Variants in HEATR4 observed in about 807,000 individuals in gnomAD.
HEATR4 encodes HEAT repeat containing 4, also known as HEAT repeat-containing protein 4.
A neutral mutation model predicts 108.8 loss-of-function variants in HEATR4; 95 were observed. The ratio of observed to expected loss-of-function variants is 0.87; its 90% confidence interval spans 0.74 to 1.04. The LOEUF (loss-of-function observed/expected upper bound fraction) is 1.04, where lower values mean the gene tolerates loss of function less well. Among genes scored for constraint, HEATR4 ranks in the 50% least tolerant of loss-of-function variants. The probability of loss-of-function intolerance (pLI) is 0.00; values close to 1 mark genes in which losing one functional copy is unlikely to be tolerated. For missense variants in HEATR4, 1,152 were observed against 1,253.8 expected (o/e 0.92, Z 1.23); for synonymous variants, 443 against 459.4 (o/e 0.96, Z 0.46).
At position 73,495,305 on chromosome 14, in the gene HEATR4, G is replaced by C. The variant is rs1260495999; in HGVS notation, c.2708C>G (p.Ala903Gly). ...TTTGGGTTTCAAGTAAACACGTTTTGCTTCCTCCCTCACTTTTCCCATGAC... is the reference window on the plus strand; with the variant it reads ...TTTGGGTTTCAAGTAAACACGTTTTCCTTCCTCCCTCACTTTTCCCATGAC... Reference protein sequence around the residue: ...EMVMGKVREEAKRVYLKPKGE... With the variant: ...EMVMGKVREEGKRVYLKPKGE... Residue 903 changes from alanine (A) to glycine (G), a missense_variant, in exon 16 of 18, where the codon GCA (alanine) becomes GGA (glycine). Transcript: ENST00000553558. The C allele has an allele frequency of 1.2e-6, 2 of 1,613,676 alleles. No individual in the cohort carries two copies. The highest frequency in any genetic ancestry group is 1.7e-6 in the Non-Finnish European group (2 of 1,179,794).
intron 1 of HEATR4, among the ~76,000 whole-genome samples, chr14:73,547,932 G>C (rs1424499839): frequency 8.8e-6 from 1 of 114,064 alleles, no homozygotes; most frequent in Non-Finnish European, 1.9e-5. Flanking sequence ...GTTGTGGCGG[G>C]TTGTTTTTGT....
the HEATR4 span, among the ~76,000 whole-genome samples, chr14:73,587,770 C>T: frequency 6.6e-6 from 1 of 152,212 alleles, no homozygotes. Flanking sequence ...TTCCACGGGA[C>T]CTCCCATTCC....
rs1390387305 is a variant in HEATR4, at chr14:73,506,497, A to T, written c.1956T>A (p.Ala652=). 23 of 1,613,706 alleles carry T rather than the reference A, an allele frequency of 1.4e-5. No individual in the cohort carries two copies. The highest frequency in any genetic ancestry group is 1.9e-5 in the Non-Finnish European group (23 of 1,179,986). ...QWKNRIVACQ[A]FSRISGNVCL... is the part of the protein sequence containing the mutation. The stretch of plus-strand genomic sequence containing the variant: ...AGACATTTCCACTGATCCGGGAGAA[A>T]GCCTGGCAGGCCACAATCCGGTTCT... The change falls in exon 10 of 18, where the codon GCT becomes GCA. Residue 652 remains alanine (A), a synonymous_variant. Transcript: ENST00000553558.
chr14:73,537,387 G>A, intron 1 of HEATR4: 2 of 1,232,758 alleles, frequency 1.6e-6, no homozygotes, highest in Non-Finnish European at 2.2e-6. Flanking sequence ...CCACAGCTGA[G>A]GCAGTTTGGC....
chr14:73,585,095 CCAGCTCCCTTCCATCCCCCAT>C, the HEATR4 span, among the ~76,000 whole-genome samples: 1 of 152,066 alleles, frequency 6.6e-6, no homozygotes, highest in African/African-American at 2.4e-5. Flanking sequence ...AGCTCCCCCA[CCAGCTCCCTTCCATCCCCCAT>C]GGGCCTTATC....
intron 2 of HEATR4, among the ~76,000 whole-genome samples, chr14:73,528,534 G>T (rs1221573679): frequency 6.6e-6 from 1 of 152,124 alleles, no homozygotes; most frequent in South Asian, 2.1e-4. Flanking sequence ...ATCAAAAGAG[G>T]CTTGTTCTGG....
At chr14:73,524,012 C>T (rs1431529659) in intron 2 of HEATR4, among the ~76,000 whole-genome samples, 4 of 151,880 alleles carry the variant, frequency 2.6e-5, no homozygotes, top group Admixed American at 6.6e-5. Context: ...AGCTGTAGGC[C>T]GGGCGCAGTG....
At chr14:73,579,340 G>C in the HEATR4 span, among the ~76,000 whole-genome samples, 3 of 149,066 alleles carry the variant, frequency 2.0e-5, no homozygotes, top group Non-Finnish European at 3.0e-5. Context: ...TCTTTGAGAG[G>C]CCAAGGCGAG....
the HEATR4 span, chr14:73,573,501 T>C: frequency 1.2e-6 from 2 of 1,613,640 alleles, no homozygotes; most frequent in African/African-American, 1.3e-5. Flanking sequence ...TCTGGCTTAT[T>C]ATAACTATGA....
chr14:73,483,762 G>A (rs1200621817), intron 17 of HEATR4, among the ~76,000 whole-genome samples: 1 of 152,016 alleles, frequency 6.6e-6, no homozygotes, highest in Non-Finnish European at 1.5e-5. Flanking sequence ...TTTAAATTCA[G>A]TTTTGAACTT....
the HEATR4 span, among the ~76,000 whole-genome samples, chr14:73,590,555 A>G: frequency 6.6e-6 from 1 of 152,200 alleles, no homozygotes; most frequent in Non-Finnish European, 1.5e-5. Context: ...GGAGGCTCGG[A>G]CCGCGCAGAA....
chr14:73,486,710 G>A (rs1885466861), intron 17 of HEATR4, among the ~76,000 whole-genome samples: 1 of 148,878 alleles, frequency 6.7e-6, no homozygotes. Flanking sequence ...AAAAAAAAAA[G>A]AAAGGAACTT....
chr14:73,569,989 G>C, the HEATR4 span: 1 of 1,437,364 alleles, frequency 7.0e-7, no homozygotes, highest in Non-Finnish European at 9.2e-7. Context: ...CCGCGCCCCC[G>C]GGCTATATTG....
rs1360620946 is a variant in HEATR4 at position 73,519,129 on chromosome 14, C to T, written c.1104G>A (p.Lys368=). The T allele has an allele frequency of 1.2e-6, 2 of 1,613,774 alleles. No individual in the cohort carries two copies. The highest frequency in any genetic ancestry group is 2.2e-5 in the East Asian group (1 of 44,852). Residue 368 remains lysine (K), a synonymous_variant, in exon 5 of 18, where the codon AAG becomes AAA. Transcript: ENST00000553558. ...GGTTTTCCAGGACAATCTGGTCTCT[C>T]TTTGCACCAATCTGGTGGATGATCT... is the stretch of plus-strand genomic sequence containing the variant. ...EVQIIHQIGA[K]RDQIVLENLN... is the part of the protein sequence containing the mutation.
At chr14:73,509,810 CCATATATATATATATATATATATA>C (rs1375361908) in intron 7 of HEATR4, among the ~76,000 whole-genome samples, 1,659 of 63,190 alleles carry the variant, frequency 0.026, 221 homozygotes, top group Middle Eastern at 0.067. Context: ...CCCCATGAGC[CCATATATATATATATATATATATA>C]TATATATATA....
chr14:73,530,638 A>G (rs1888651657), intron 1 of HEATR4: 2 of 119,552 alleles, frequency 1.7e-5, no homozygotes. Flanking sequence ...TAATGCCTTG[A>G]TTTGTTTTTT....
chr14:73,593,014 C>T, the HEATR4 span, among the ~76,000 whole-genome samples: 5 of 152,226 alleles, frequency 3.3e-5, no homozygotes, highest in South Asian at 8.3e-4. Context: ...ATCCACTTTG[C>T]TATTAATCAC....
At chr14:73,598,682 C>T in the HEATR4 span, among the ~76,000 whole-genome samples, 29 of 152,028 alleles carry the variant, frequency 1.9e-4, no homozygotes, top group Non-Finnish European at 3.8e-4. Context: ...GCCTGATCAA[C>T]ATGGTGAAAC....
the HEATR4 span, among the ~76,000 whole-genome samples, chr14:73,622,263 A>G: frequency 1.3e-5 from 2 of 152,140 alleles, no homozygotes; most frequent in Non-Finnish European, 2.9e-5. Flanking sequence ...CTCCACATCT[A>G]TATGTATTGA....
Sources: gnomAD v4.1 joint callset for allele counts (sites outside exome capture counted in the v4.1 genomes callset) on GRCh38, gnomAD v4.1.1 for gene constraint, MANE v1.5 for transcripts, NCBI Gene and HGNC (gene_info 2026-07-23, HGNC 2026-07-21) for gene names.